Variants in PRAG1 observed in about 807,000 individuals in gnomAD.
PRAG1 encodes PEAK1 related, kinase-activating pseudokinase 1.
Under a neutral mutation model 95.6 loss-of-function variants are expected in PRAG1, and 110 were observed. That is an observed-to-expected ratio of 1.15 (90% confidence interval 0.99 to 1.35). The LOEUF (loss-of-function observed/expected upper bound fraction) is 1.35, where lower values mean the gene tolerates loss of function less well. PRAG1 is among the 40% of genes most tolerant of loss of function. The probability of loss-of-function intolerance (pLI) is 0.00; values close to 1 mark genes in which losing one functional copy is unlikely to be tolerated. For synonymous variants in PRAG1, 1,052 were observed against 819.4 expected (o/e 1.28, Z -4.85); for missense variants, 2,554 against 1,864.7 (o/e 1.37, Z -6.81).
intron 3 of PRAG1, among the ~76,000 whole-genome samples, chr8:8,360,935 G>C (rs532593302): frequency 1.3e-5 from 2 of 152,146 alleles, no homozygotes; most frequent in Non-Finnish European, 2.9e-5. Flanking sequence ...TTTTGACCTG[G>C]AGGATGTTCA....
At position 8,318,880 on chromosome 8, in the gene PRAG1, G is replaced by C. The variant is rs1167593604; in HGVS notation, c.3495C>G (p.Ala1165=). 1.0e-4 allele frequency: 133 copies of C among 1,288,546 alleles called. 2 individuals carry two copies. In the African/African-American group the frequency reaches 1.7e-3, roughly 17 times the overall value. The allele number at this position is 1,288,546 out of a possible 1,614,324, so 79.8% of individuals were successfully genotyped here. The change falls in exon 6 of 6, where the codon GCC becomes GCG. Residue 1165 remains alanine, a synonymous_variant. Transcript: ENST00000615670. The surrounding 1 kb of genome is among the most constrained non-coding windows in gnomAD (Gnocchi z 4.2). ...HCTLQAGPGP[A]PAPAPAPAPA... ...GGGCGGGAGCCGGGGCGGGGGCGGG[G>C]GCGGGCCCGGGGCCGGCCTGGAGGG...
rs926681554 is a variant in PRAG1, at chr8:8,318,558, C to T, written c.3817G>A (p.Val1273Met). ...TCTCTCTCCCGCAGCTGGGCGCGCA[C>T]CTCGAACGGGTTGGGTTGGTGCAGC... ...ELLHQPNPFE[V>M]RAQLRERDYR... is the part of the protein sequence containing the mutation. The change falls in exon 6 of 6, where the codon GTG becomes ATG. Residue 1273 changes from valine to methionine, a missense_variant. By Grantham distance (21) the Val-to-Met change is conservative. Transcript: ENST00000615670. This position sits in a 1 kb window ranked among gnomAD's most constrained non-coding sequence, Gnocchi z 4.2. The T allele has an allele frequency of 6.2e-7, 1 of 1,613,622 alleles. No homozygotes were observed. The highest frequency in any genetic ancestry group is 8.5e-7 in the Non-Finnish European group (1 of 1,179,954).
intron 4 of PRAG1, 22 bp downstream of exon 4, chr8:8,339,456 C>T: frequency 3.7e-6 from 6 of 1,611,230 alleles, no homozygotes; most frequent in Non-Finnish European, 5.1e-6. Flanking sequence ...CTAAGCCTCT[C>T]CGTCAATGTC....
intron 4 of PRAG1, among the ~76,000 whole-genome samples, chr8:8,338,228 T>A (rs1465953236): frequency 6.6e-6 from 1 of 152,238 alleles, no homozygotes; most frequent in Non-Finnish European, 1.5e-5. Context: ...TTTAACCTTA[T>A]CTTTCCTAGT....
chr8:8,339,067 T>A (rs1363633523), intron 4 of PRAG1, among the ~76,000 whole-genome samples: 1 of 152,062 alleles, frequency 6.6e-6, no homozygotes, highest in East Asian at 1.9e-4. Flanking sequence ...AGTAAGTGTG[T>A]ACATGTGGGT....
At chr8:8,354,790 A>G (rs985024326) in intron 3 of PRAG1, among the ~76,000 whole-genome samples, 1 of 152,190 alleles carries the variant, frequency 6.6e-6, no homozygotes, top group African/African-American at 2.4e-5. Flanking sequence ...AATAAAGGCC[A>G]TTTATGAAAA....
chr8:8,338,363 A>G (rs974631882), intron 4 of PRAG1, among the ~76,000 whole-genome samples: 6 of 152,034 alleles, frequency 3.9e-5, no homozygotes, highest in Admixed American at 2.0e-4. Context: ...ATTGTAGATC[A>G]CTCCCCAGAA....
At position 8,318,556 on chromosome 8, in the gene PRAG1, C is replaced by T; in HGVS notation, c.3819G>A (p.Val1273=). 6.2e-7 allele frequency: 1 copy of T among 1,613,738 alleles called. No individual in the cohort carries two copies. Among genetic ancestry groups the T allele is most frequent in the Non-Finnish European group, 8.5e-7 (1 of 1,179,956 alleles). ...AGTCTCTCTCCCGCAGCTGGGCGCG[C>T]ACCTCGAACGGGTTGGGTTGGTGCA... ...ELLHQPNPFE[V]RAQLRERDYR... Residue 1273 remains valine (V), a synonymous_variant, in exon 6 of 6, where the codon GTG becomes GTA. Transcript: ENST00000615670. The surrounding 1 kb of genome is among the most constrained non-coding windows in gnomAD (Gnocchi z 4.2).
At chr8:8,349,954 C>T (rs1799466497) in intron 3 of PRAG1, among the ~76,000 whole-genome samples, 1 of 151,294 alleles carries the variant, frequency 6.6e-6, no homozygotes, top group Non-Finnish European at 1.5e-5. Flanking sequence ...CACACACACA[C>T]ACACACATAC....
intron 3 of PRAG1, among the ~76,000 whole-genome samples, chr8:8,349,457 T>A (rs1799450041): frequency 6.6e-6 from 1 of 151,952 alleles, no homozygotes; most frequent in Admixed American, 6.6e-5. Context: ...ATTTTTTTTA[T>A]ATTTTTAGTA....
chr8:8,327,567 T>A (rs1215986397), intron 5 of PRAG1, 143 bp downstream of exon 5: 2 of 999,630 alleles, frequency 2.0e-6, no homozygotes, highest in African/African-American at 1.6e-5. Flanking sequence ...GAGACTCTTA[T>A]CTTACAAGAA....
In PRAG1 at chr8:8,319,029, C is replaced by T. The variant is rs2117092144; in HGVS notation, c.3346G>A (p.Glu1116Lys). Residue 1116 changes from glutamate (E) to lysine (K), a missense_variant, in exon 6 of 6, where the codon GAG becomes AAG. Coordinates refer to ENST00000615670, the MANE Select transcript of PRAG1 (RefSeq NM_001080826.3). Reference protein sequence around the residue: ...DSAASHQAEPEAYERRVCFLL... With the variant: ...DSAASHQAEPKAYERRVCFLL... Reference sequence around the variant, plus strand: ...AAGCACACGCGCCGCTCGTACGCCTCGGGCTCCGCCTGGTGGCTGGCCGCC... The same window carrying T: ...AAGCACACGCGCCGCTCGTACGCCTTGGGCTCCGCCTGGTGGCTGGCCGCC... 1 of 1,613,292 alleles carries T rather than the reference C, an allele frequency of 6.2e-7. No homozygotes were observed. The highest frequency in any genetic ancestry group is 1.3e-5 in the African/African-American group (1 of 75,034).
At chr8:8,331,374 G>A (rs1174823794) in intron 4 of PRAG1, among the ~76,000 whole-genome samples, 1 of 152,152 alleles carries the variant, frequency 6.6e-6, no homozygotes, top group Non-Finnish European at 1.5e-5. Flanking sequence ...CACTTCACCA[G>A]CTGTCAGCCT....
Position 8,328,038 on chromosome 8 carries a change from GC to G in PRAG1, c.2743del (p.Ala915ProfsTer9). On this transcript the variant is annotated frameshift_variant, in exon 5 of 6. Coordinates refer to ENST00000615670, the MANE Select transcript of PRAG1 (RefSeq NM_001080826.3). LOFTEE classifies it high-confidence loss of function. ...CAGCTGGGAGGATGAGGCGGAGGGG[GC>G]CCCTTTGCACTGGAGGCCAGGGCTC... is the stretch of plus-strand genomic sequence containing the variant. ...CGSPGLQCKG[A>X]PSASSSQLSV... The G allele has an allele frequency of 6.3e-7, 1 of 1,584,450 alleles. No individual in the cohort carries two copies. Among genetic ancestry groups the G allele is most frequent in the Non-Finnish European group, 8.6e-7 (1 of 1,164,716 alleles).
Position 8,361,908 on chromosome 8 carries a change from C to G in PRAG1, c.2162+14339G>C, listed in dbSNP as rs192556046. Among the ~76,000 whole-genome samples the G allele has an allele frequency of 3.9e-5, 6 of 152,320 alleles. No individual in the cohort carries two copies. The East Asian group carries it at 1.2e-3, about 29-fold the overall frequency. The stretch of plus-strand genomic sequence containing the variant: ...ACCCTAAAGGATTATTAGGGGGAAT[C>G]TGATCACTTGCATCTTTCTTCGCTC... On this transcript the variant is annotated intron_variant, in intron 3 of 5. Transcript: ENST00000615670.
At chr8:8,352,055 A>G (rs908641596) in intron 3 of PRAG1, among the ~76,000 whole-genome samples, 1 of 152,092 alleles carries the variant, frequency 6.6e-6, no homozygotes, top group Non-Finnish European at 1.5e-5. Flanking sequence ...CTCAGACCCT[A>G]ATTTTCTTGA....
At chr8:8,378,431 C>T (rs1016906965) in intron 2 of PRAG1, among the ~76,000 whole-genome samples, 1 of 152,198 alleles carries the variant, frequency 6.6e-6, no homozygotes, top group Non-Finnish European at 1.5e-5. Flanking sequence ...CTGGGTGACA[C>T]AAGTTGTTCC....
At chr8:8,354,344 A>G (rs1799621766) in intron 3 of PRAG1, among the ~76,000 whole-genome samples, 1 of 152,086 alleles carries the variant, frequency 6.6e-6, no homozygotes, top group African/African-American at 2.4e-5. Context: ...CCAAACATTC[A>G]AAGAACAATT....
chr8:8,319,411 T>A (rs1416629641), intron 5 of PRAG1, 109 bp from the exon 6 acceptor site: 1 of 893,444 alleles, frequency 1.1e-6, no homozygotes. Flanking sequence ...CCACATAGGC[T>A]TAAGGGTAAG....
Sources: allele counts gnomAD v4.1 joint callset (sites outside exome capture counted in the v4.1 genomes callset), GRCh38; gene constraint gnomAD v4.1.1; non-coding constraint Gnocchi (gnomAD v3.1); transcripts MANE v1.5; gene names NCBI Gene and HGNC (gene_info 2026-07-23, HGNC 2026-07-21).